Variants in PVT1 observed in about 807,000 individuals in gnomAD.
PVT1 encodes Pvt1 oncogene.
chr8:128,070,258 G>A (rs904096264), exon 5 of PVT1: 3 of 152,516 alleles, frequency 2.0e-5, no homozygotes, highest in Admixed American at 2.0e-4. Flanking sequence ...TCCTGTTGCT[G>A]CTAGTGGACA....
chr8:127,989,860 G>A (rs1016612918), intron 4 of PVT1, among the ~76,000 whole-genome samples: 1 of 152,132 alleles, frequency 6.6e-6, no homozygotes, highest in African/African-American at 2.4e-5. Context: ...TTTTGGACAA[G>A]TCACTCAGCC....
chr8:128,005,201 A>C (rs1420866714), intron 4 of PVT1, among the ~76,000 whole-genome samples: 1 of 152,130 alleles, frequency 6.6e-6, no homozygotes, highest in Non-Finnish European at 1.5e-5. Context: ...TTGACTGGGA[A>C]ACCTCACTAC....
At chr8:127,951,649 T>C (rs1227340067) in intron 3 of PVT1, among the ~76,000 whole-genome samples, 1 of 152,182 alleles carries the variant, frequency 6.6e-6, no homozygotes, top group Non-Finnish European at 1.5e-5. Flanking sequence ...CATTTGTCAT[T>C]GCACTGGTCC....
chr8:127,929,603 A>G (rs10956397), intron 3 of PVT1, among the ~76,000 whole-genome samples: 54,135 of 150,916 alleles, frequency 0.36, 9,858 homozygotes, highest in East Asian at 0.53. Flanking sequence ...CGTCTCTACT[A>G]AAAATACAAA....
intron 3 of PVT1, among the ~76,000 whole-genome samples, chr8:127,954,811 C>T (rs1816550071): frequency 6.6e-6 from 1 of 152,132 alleles, no homozygotes; most frequent in Non-Finnish European, 1.5e-5. Flanking sequence ...CGGCTTGGTC[C>T]TGGGGGTCTG....
chr8:127,998,022 G>A (rs561210205), intron 4 of PVT1, among the ~76,000 whole-genome samples: 2 of 152,342 alleles, frequency 1.3e-5, no homozygotes, highest in Admixed American at 1.3e-4. Flanking sequence ...TATGGAGGAA[G>A]GCCACAGAGG....
chr8:128,050,905 A>G (rs921613703), intron 4 of PVT1, among the ~76,000 whole-genome samples: 3 of 152,182 alleles, frequency 2.0e-5, no homozygotes, highest in African/African-American at 4.8e-5. Context: ...CCACAAAGTC[A>G]TCTTCCTCTG....
intron 4 of PVT1, among the ~76,000 whole-genome samples, chr8:128,055,771 G>A (rs1017664151): frequency 1.3e-5 from 2 of 152,156 alleles, no homozygotes; most frequent in African/African-American, 4.8e-5. Context: ...CTTGCCATGA[G>A]GTCTCTCATC....
At chr8:127,927,337 G>A (rs1385982591) in intron 3 of PVT1, among the ~76,000 whole-genome samples, 1 of 152,180 alleles carries the variant, frequency 6.6e-6, no homozygotes, top group African/African-American at 2.4e-5. Flanking sequence ...GCTCAGCCTC[G>A]CCAGATAGTT....
Position 127,874,921 on chromosome 8 carries a change from TGTGTGTGTGTGTGTGG to T in PVT1, n.373-15660_373-15645del, listed in dbSNP as rs1471553331. Among the ~76,000 whole-genome samples, 746 of 151,946 alleles carry T rather than the reference TGTGTGTGTGTGTGTGG, an allele frequency of 4.9e-3. 5 individuals carry two copies. The highest frequency in any genetic ancestry group is 0.017 in the African/African-American group (717 of 41,410). On this transcript the variant is annotated intron_variant and non_coding_transcript_variant, in intron 2 of 10. Coordinates refer to ENST00000651587, the Ensembl canonical transcript of PVT1. ...GCCTCCAGGTGTGTGTGTGTGTGTGTGTGTGTGTGTGTGTGGGTGTGTGGCCCTGGGCTGCACTGTG... is the reference window on the plus strand; with the variant it reads ...GCCTCCAGGTGTGTGTGTGTGTGTGTGTGTGTGGCCCTGGGCTGCACTGTG...
rs139045549 is a variant in PVT1 at position 127,821,352 on chromosome 8, G to T, written n.372+25281G>T. 1.7e-3 allele frequency among the ~76,000 whole-genome samples: 263 copies of T among 152,132 alleles called. 1 individual carries two copies. Among genetic ancestry groups the T allele is most frequent in the African/African-American group, 6.0e-3 (248 of 41,500 alleles). On this transcript the variant is annotated intron_variant and non_coding_transcript_variant, in intron 2 of 10. Coordinates refer to ENST00000651587, the Ensembl canonical transcript of PVT1. ...TGTTGTATATGTAAATTGCACAATG[G>T]ATTATAAGACTCAGTTTAAAAAAAA... is the stretch of plus-strand genomic sequence containing the variant.
At chr8:127,886,274 C>G (rs1463516461) in intron 2 of PVT1, among the ~76,000 whole-genome samples, 1 of 152,028 alleles carries the variant, frequency 6.6e-6, no homozygotes, top group African/African-American at 2.4e-5. Flanking sequence ...TTCAGCAGTT[C>G]AACTATTATA....
At chr8:127,814,190 G>A (rs949310209) in intron 2 of PVT1, among the ~76,000 whole-genome samples, 1 of 152,198 alleles carries the variant, frequency 6.6e-6, no homozygotes, top group African/African-American at 2.4e-5. Context: ...TTCCTGGTGG[G>A]GAAGACCTCC....
intron 2 of PVT1, among the ~76,000 whole-genome samples, chr8:127,848,059 A>G (rs1441158656): frequency 6.6e-6 from 1 of 152,186 alleles, no homozygotes; most frequent in Non-Finnish European, 1.5e-5. Flanking sequence ...AATATATTGA[A>G]ATCGGGAGCA....
At chr8:127,856,360 T>C (rs974205488) in intron 2 of PVT1, among the ~76,000 whole-genome samples, 5 of 144,960 alleles carry the variant, frequency 3.4e-5, no homozygotes, top group African/African-American at 1.3e-4. Flanking sequence ...TTTTTTTTTC[T>C]TTTTTTTTTT....
chr8:127,911,404 C>T lies in PVT1; in HGVS notation n.782+20406C>T, dbSNP rs535487842. ...CTGCACAGCAGGTCGGAGTGGCCGC[C>T]GGTCCCCGGCTGCCAGCTGTTTACC... On this transcript the variant is annotated intron_variant and non_coding_transcript_variant, in intron 3 of 10. Coordinates refer to ENST00000651587, the Ensembl canonical transcript of PVT1. Among the ~76,000 whole-genome samples, 11 of 152,336 alleles carry T rather than the reference C, an allele frequency of 7.2e-5. No individual in the cohort carries two copies. In the East Asian group the frequency reaches 7.7e-4, roughly 11 times the overall value.
At chr8:128,087,910 C>T (rs1010437783) in intron 5 of PVT1, among the ~76,000 whole-genome samples, 1 of 151,960 alleles carries the variant, frequency 6.6e-6, no homozygotes, top group Non-Finnish European at 1.5e-5. Flanking sequence ...AGACACGTGC[C>T]ACCACACCCG....
chr8:127,915,375 C>T (rs1327775771), intron 3 of PVT1, among the ~76,000 whole-genome samples: 5 of 151,122 alleles, frequency 3.3e-5, no homozygotes, highest in African/African-American at 4.9e-5. Flanking sequence ...TTTGGGAGGC[C>T]GAGGCGGGCG....
intron 2 of PVT1, among the ~76,000 whole-genome samples, chr8:127,843,375 A>G (rs893622249): frequency 3.3e-5 from 5 of 152,110 alleles, no homozygotes; most frequent in Non-Finnish European, 7.4e-5. Flanking sequence ...AACAGGTAAT[A>G]TGGTTGGAAG....
Sources: gnomAD v4.1 joint callset for allele counts (sites outside exome capture counted in the v4.1 genomes callset) on GRCh38, gnomAD v4.1.1 for gene constraint, MANE v1.5 for transcripts, NCBI Gene and HGNC (gene_info 2026-07-23, HGNC 2026-07-21) for gene names.